The following HPSE2 variants were observed in gnomAD, a reference collection of about 807,000 sequenced individuals.
HPSE2 encodes the protein inactive heparanase-2.
Under a neutral mutation model 60.5 loss-of-function variants are expected in HPSE2, and 38 were observed. That is an observed-to-expected ratio of 0.63 (90% CI 0.48 to 0.82). The LOEUF is 0.82. HPSE2 is among the 40% of genes least tolerant of loss of function. The probability of loss-of-function intolerance (pLI) is 0.00; values close to 1 mark genes in which losing one functional copy is unlikely to be tolerated. For missense variants in HPSE2, 713 were observed against 740.4 expected (o/e 0.96, Z 0.43); for synonymous variants, 295 against 293.2 (o/e 1.01, Z -0.06).
intron 10 of HPSE2, 143 bp downstream of exon 10, chr10:98,489,908 C>A (rs1195401968): frequency 1.6e-5 from 14 of 854,342 alleles, no homozygotes; most frequent in Non-Finnish European, 2.4e-5. Context: ...TTATTTGAAA[C>A]CTCCAAAGAG....
chr10:98,537,730 T>C (rs1453053663), intron 9 of HPSE2, among the ~76,000 whole-genome samples: 1 of 152,146 alleles, frequency 6.6e-6, no homozygotes, highest in East Asian at 1.9e-4. Context: ...GGAGTCTCCT[T>C]TCCTTGGAGG....
At chr10:98,838,112 T>C (rs1383883402) in intron 3 of HPSE2, among the ~76,000 whole-genome samples, 2 of 152,170 alleles carry the variant, frequency 1.3e-5, no homozygotes, top group East Asian at 1.9e-4. Context: ...GCTGGGAGTA[T>C]TTCCTCTCTC....
intron 9 of HPSE2, among the ~76,000 whole-genome samples, chr10:98,580,836 A>ATATATATATATGTGTGTGTGTGTGTG: frequency 4.2e-5 from 5 of 119,556 alleles, no homozygotes; most frequent in African/African-American, 1.8e-4. Flanking sequence ...ATATATATAT[A>ATATATATATATGTGTGTGTGTGTGTG]TGTGTGTGTG....
chr10:98,909,937 T>C (rs1590060302), intron 3 of HPSE2, among the ~76,000 whole-genome samples: 2 of 152,166 alleles, frequency 1.3e-5, no homozygotes, highest in Non-Finnish European at 2.9e-5. Flanking sequence ...TGTTCAAATA[T>C]GGAAAAAACT....
intron 6 of HPSE2, among the ~76,000 whole-genome samples, chr10:98,668,018 T>C (rs898884789): frequency 2.6e-5 from 4 of 152,148 alleles, no homozygotes; most frequent in Non-Finnish European, 5.9e-5. Context: ...TATAATTTTA[T>C]GCATAGAAAA....
At chr10:98,572,771 C>T (rs1286191128) in intron 9 of HPSE2, among the ~76,000 whole-genome samples, 2 of 152,202 alleles carry the variant, frequency 1.3e-5, no homozygotes, top group Non-Finnish European at 1.5e-5. Flanking sequence ...CCACATGCCT[C>T]CTGTGTGAAA....
At chr10:99,231,140 T>C (rs1849631558) in intron 2 of HPSE2, among the ~76,000 whole-genome samples, 1 of 152,186 alleles carries the variant, frequency 6.6e-6, no homozygotes, top group Non-Finnish European at 1.5e-5. Context: ...CCTCTTTCTC[T>C]ATTCTGGCAC....
At chr10:98,631,909 C>T (rs1946374919) in intron 7 of HPSE2, among the ~76,000 whole-genome samples, 1 of 152,168 alleles carries the variant, frequency 6.6e-6, no homozygotes, top group Non-Finnish European at 1.5e-5. Flanking sequence ...GTTCATTCAA[C>T]CCTCACTTCC....
At chr10:98,971,372 C>T (rs935501790) in intron 3 of HPSE2, among the ~76,000 whole-genome samples, 1 of 149,120 alleles carries the variant, frequency 6.7e-6, no homozygotes, top group African/African-American at 2.4e-5. Context: ...GACACTTCAT[C>T]ATCATTGATC....
At chr10:99,222,679 C>T (rs190027684) in intron 2 of HPSE2, among the ~76,000 whole-genome samples, 6 of 152,274 alleles carry the variant, frequency 3.9e-5, no homozygotes, top group African/African-American at 1.4e-4. Context: ...CCCTTCAATG[C>T]ATCTGCTTCC....
Position 99,132,212 on chromosome 10 carries a change from AGAGAGAGAGAGAGAGAGAGAG to A in HPSE2, c.610+12005_610+12025del, listed in dbSNP as rs1845451398. On this transcript the variant is annotated intron_variant, in intron 3 of 11. Coordinates refer to ENST00000370552, the MANE Select transcript of HPSE2 (RefSeq NM_021828.5). ...AAGAAAGAGAGAGAGAGAGAGAGAG[AGAGAGAGAGAGAGAGAGAGAG>A]AGAGAGAGAGAAAGAAAGAAAGAAA... Among the ~76,000 whole-genome samples the A allele has an allele frequency of 2.7e-4, 7 of 25,608 alleles. 1 individual carries two copies. The highest frequency in any genetic ancestry group is 4.4e-4 in the African/African-American group (7 of 16,066). 16.8% of individuals were successfully genotyped at this position (25,608 alleles called of 152,430 possible).
intron 1 of HPSE2, among the ~76,000 whole-genome samples, chr10:99,233,496 T>C (rs1033937060): frequency 2.0e-5 from 3 of 152,358 alleles, no homozygotes; most frequent in African/African-American, 7.2e-5. Context: ...CAAAGGCTGC[T>C]GCTTTGGGAA....
intron 3 of HPSE2, among the ~76,000 whole-genome samples, chr10:98,948,371 A>T (rs1056093457): frequency 6.6e-6 from 1 of 152,166 alleles, no homozygotes; most frequent in African/African-American, 2.4e-5. Flanking sequence ...GACACCACAC[A>T]AGAGGAATTA....
At chr10:99,220,939 G>C (rs1849292234) in intron 2 of HPSE2, among the ~76,000 whole-genome samples, 1 of 150,660 alleles carries the variant, frequency 6.6e-6, no homozygotes, top group Admixed American at 6.6e-5. Flanking sequence ...CCACCTCCGA[G>C]GTTCAAGCGA....
intron 3 of HPSE2, among the ~76,000 whole-genome samples, chr10:98,764,195 G>A (rs1341954869): frequency 6.6e-6 from 1 of 152,070 alleles, no homozygotes; most frequent in Non-Finnish European, 1.5e-5. Flanking sequence ...TAAGTAAACT[G>A]AGAAAGGTTA....
chr10:98,928,894 CGAGG>C (rs1564663928), intron 3 of HPSE2, among the ~76,000 whole-genome samples: 1 of 137,836 alleles, frequency 7.3e-6, no homozygotes, highest in East Asian at 2.1e-4. Context: ...TGCTAGATGA[CGAGG>C]TAGTGGGTGC....
intron 9 of HPSE2, among the ~76,000 whole-genome samples, chr10:98,606,324 T>G (rs1026181090): frequency 6.6e-5 from 10 of 152,210 alleles, no homozygotes; most frequent in African/African-American, 2.4e-4. Flanking sequence ...TCTAATACAG[T>G]TCTCAATTCT....
At chr10:99,298,681 C>CTT in the HPSE2 span, among the ~76,000 whole-genome samples, 6 of 122,390 alleles carry the variant, frequency 4.9e-5, no homozygotes, top group East Asian at 4.7e-4. Flanking sequence ...TTTTTTTTTT[C>CTT]TTTTTTTTTT....
intron 5 of HPSE2, among the ~76,000 whole-genome samples, chr10:98,696,086 G>T (rs1948204341): frequency 6.6e-6 from 1 of 151,920 alleles, no homozygotes; most frequent in Admixed American, 6.6e-5. Context: ...ATGAAATTTT[G>T]TACCTCCTTC....
Sources: gnomAD v4.1 joint callset for allele counts (sites outside exome capture counted in the v4.1 genomes callset) on GRCh38, gnomAD v4.1.1 for gene constraint, MANE v1.5 for transcripts, NCBI Gene and HGNC (gene_info 2026-07-23, HGNC 2026-07-21) for gene names.